DZIP1L: variants seen among roughly 807,000 people sequenced by gnomAD.
The protein encoded by DZIP1L is DAZ interacting zinc finger protein 1 like.
DZIP1L carries 90 observed loss-of-function variants against 88.7 expected under a neutral mutation model. The ratio of observed to expected loss-of-function variants is 1.02; its 90% CI spans 0.86 to 1.21. DZIP1L has a LOEUF of 1.21. Among genes scored for constraint, DZIP1L ranks in the 50% most tolerant of loss-of-function variants. The pLI, the probability that DZIP1L is intolerant of heterozygous loss-of-function variation, is 0.00. For synonymous variants in DZIP1L, 363 were observed against 372.1 expected (o/e 0.98, Z 0.28); for missense variants, 932 against 955.8 (o/e 0.98, Z 0.33).
intron 5 of DZIP1L, chr3:138,088,939 A>G: frequency 5.1e-6 from 5 of 986,288 alleles, no homozygotes; most frequent in Non-Finnish European, 6.0e-6. Context: ...TGTCTCCAGA[A>G]AGGGCTTTGC....
chr3:138,086,578 G>A (rs1216386126), intron 7 of DZIP1L, among the ~76,000 whole-genome samples: 3 of 152,110 alleles, frequency 2.0e-5, no homozygotes, highest in African/African-American at 2.4e-5. Flanking sequence ...GCCCACAGCC[G>A]CCTGGTTCTC....
At chr3:138,084,286 G>C in intron 7 of DZIP1L, 33 bp from the exon 8 acceptor site, 1 of 1,607,422 alleles carries the variant, frequency 6.2e-7, no homozygotes, top group South Asian at 1.1e-5. Context: ...TCAGTCAAAT[G>C]TCTGCAGGGA....
Position 138,064,727 on chromosome 3 carries a change from C to T in DZIP1L, c.2043G>A (p.Gln681=), listed in dbSNP as rs1942819383. Residue 681 remains glutamine, a synonymous_variant, in exon 15 of 16, where the codon CAG becomes CAA. Transcript: ENST00000327532. Reference sequence around the variant, plus strand: ...CAGGCTTCTTTGCTGGAGCTTCTAGCTGCTTCTCCAGGTTTTTGACCATCG... The same window carrying T: ...CAGGCTTCTTTGCTGGAGCTTCTAGTTGCTTCTCCAGGTTTTTGACCATCG... The part of the protein sequence containing the change: ...VQSMVKNLEK[Q]LEAPAKKPAG... The T allele has an allele frequency of 6.2e-7, 1 of 1,604,216 alleles. No individual in the cohort carries two copies. Among genetic ancestry groups the T allele is most frequent in the Non-Finnish European group, 8.5e-7 (1 of 1,176,394 alleles).
chr3:138,107,723 T>C (rs1331184156), intron 1 of DZIP1L, among the ~76,000 whole-genome samples: 1 of 152,190 alleles, frequency 6.6e-6, no homozygotes, highest in Non-Finnish European at 1.5e-5. Flanking sequence ...TCACTCCTCA[T>C]TTATAGTATG....
At chr3:138,074,921 T>C (rs1227800849) in intron 11 of DZIP1L, among the ~76,000 whole-genome samples, 2 of 151,730 alleles carry the variant, frequency 1.3e-5, no homozygotes, top group Non-Finnish European at 2.9e-5. Flanking sequence ...AAACTCACAT[T>C]AGGACTCACA....
intron 5 of DZIP1L, among the ~76,000 whole-genome samples, chr3:138,091,549 C>T (rs1469474580): frequency 3.4e-5 from 5 of 147,758 alleles, no homozygotes; most frequent in South Asian, 2.2e-4. Context: ...ACCCAGGAGA[C>T]GGAAGTTGCG....
At chr3:138,104,734 T>C (rs2042428584) in intron 1 of DZIP1L, among the ~76,000 whole-genome samples, 1 of 152,192 alleles carries the variant, frequency 6.6e-6, no homozygotes, top group Non-Finnish European at 1.5e-5. Context: ...CTCTGCCACA[T>C]GGTGCTCAAT....
At chr3:138,114,188 C>T (rs1244594687) in intron 1 of DZIP1L, among the ~76,000 whole-genome samples, 1 of 152,228 alleles carries the variant, frequency 6.6e-6, no homozygotes, top group East Asian at 1.9e-4. Flanking sequence ...CTGGCCAGGA[C>T]TAACCATCTC....
rs1198163856 is a variant in DZIP1L, at chr3:138,087,000, C to T, written c.1023G>A (p.Val341=). The T allele has an allele frequency of 3.1e-6, 5 of 1,614,142 alleles. No homozygotes were observed. In the Middle Eastern group the frequency reaches 8.2e-4, roughly 266 times the overall value. ...CCATGTGCTCTTCATGCAGTTCCTT[C>T]ACTTTTCTTTTCCACTCCGTTTTCT... ...EIQKTEWKRK[V]KELHEEHMAE... is the part of the protein sequence containing the mutation. The change falls in exon 7 of 16, where the codon GTG becomes GTA. Residue 341 remains valine (V), a synonymous_variant. Coordinates refer to ENST00000327532, the MANE Select transcript of DZIP1L (RefSeq NM_173543.3).
intron 14 of DZIP1L, among the ~76,000 whole-genome samples, chr3:138,066,352 TA>T (rs1258695447): frequency 6.6e-6 from 1 of 152,232 alleles, no homozygotes; most frequent in Non-Finnish European, 1.5e-5. Context: ...GATCTGGTGC[TA>T]ATGAACTCAA....
In DZIP1L at chr3:138,062,833, T is replaced by G. The variant is rs746953612; in HGVS notation, c.2287A>C (p.Arg763=). The stretch of plus-strand genomic sequence containing the variant: ...GGGGTGAATCACCAGGCAGGGACCC[T>G]GGGTTGGCCAGAGCTCTGTGGACCA... ...GTGPQSSGQP[R]VPAW The change falls in exon 16 of 16, where the codon AGG becomes CGG. Residue 763 remains arginine, a synonymous_variant. Coordinates refer to ENST00000327532, the MANE Select transcript of DZIP1L (RefSeq NM_173543.3). 6.2e-7 allele frequency: 1 copy of G among 1,614,052 alleles called. No homozygotes were observed. The highest frequency in any genetic ancestry group is 8.5e-7 in the Non-Finnish European group (1 of 1,180,036).
intron 6 of DZIP1L, 33 bp from the exon 7 acceptor site, chr3:138,087,056 C>A (rs746775274): frequency 6.2e-7 from 1 of 1,606,130 alleles, no homozygotes; most frequent in Non-Finnish European, 8.5e-7. Context: ...CAAATGGGCC[C>A]TTGCAGGTAT....
intron 15 of DZIP1L, chr3:138,064,371 A>C: frequency 7.5e-7 from 1 of 1,330,536 alleles, no homozygotes; most frequent in Admixed American, 3.0e-5. Flanking sequence ...GAGAGGCAGG[A>C]GATGGGACAA....
intron 1 of DZIP1L, among the ~76,000 whole-genome samples, chr3:138,109,109 T>C (rs1013921271): frequency 6.6e-6 from 1 of 152,210 alleles, no homozygotes; most frequent in Non-Finnish European, 1.5e-5. Context: ...TAATTCCAAA[T>C]ACACTGAGTG....
At chr3:138,078,414 G>A (rs1943507942) in intron 10 of DZIP1L, among the ~76,000 whole-genome samples, 1 of 152,204 alleles carries the variant, frequency 6.6e-6, no homozygotes, top group African/African-American at 2.4e-5. Flanking sequence ...TCACAATCAA[G>A]GGTGGTGAAT....
At chr3:138,087,297 G>T (rs1576468487) in intron 6 of DZIP1L, among the ~76,000 whole-genome samples, 5 of 152,270 alleles carry the variant, frequency 3.3e-5, no homozygotes, top group Admixed American at 3.3e-4. Context: ...TAAATTGTAG[G>T]TGGGTCAAAG....
intron 2 of DZIP1L, chr3:138,102,638 G>C (rs1170737243): frequency 2.1e-6 from 3 of 1,429,106 alleles, no homozygotes; most frequent in Non-Finnish European, 3.0e-6. Flanking sequence ...GTCTTGATCT[G>C]CTCCTTCTCC....
chr3:138,087,141 T>G (rs1267271142), intron 6 of DZIP1L, 118 bp from the exon 7 acceptor site: 2 of 832,404 alleles, frequency 2.4e-6, no homozygotes, highest in Non-Finnish European at 3.8e-6. Flanking sequence ...TGGAATAGAA[T>G]AGAAAATCCA....
intron 14 of DZIP1L, among the ~76,000 whole-genome samples, chr3:138,065,404 G>A (rs929259127): frequency 6.6e-6 from 1 of 152,200 alleles, no homozygotes; most frequent in African/African-American, 2.4e-5. Flanking sequence ...TGTTTGTTAA[G>A]GGCCTACGAT....
Sources: allele counts gnomAD v4.1 joint callset (sites outside exome capture counted in the v4.1 genomes callset), GRCh38; gene constraint gnomAD v4.1.1; transcripts MANE v1.5; gene names NCBI Gene and HGNC (gene_info 2026-07-23, HGNC 2026-07-21).